Variants in GOLGA8S observed in about 807,000 individuals in gnomAD.
The protein encoded by GOLGA8S is golgin A8 family member S.
In GOLGA8S, 23 loss-of-function variants were observed where a neutral mutation model predicts 58.9. The observed-to-expected ratio is 0.39, with a 90% CI of 0.28 to 0.55. The LOEUF (loss-of-function observed/expected upper bound fraction) is 0.55, where lower values mean the gene tolerates loss of function less well. Among genes scored for constraint, GOLGA8S ranks in the 20% least tolerant of loss-of-function variants. The pLI is 0.63. For synonymous variants in GOLGA8S, 84 were observed against 195.7 expected (o/e 0.43, Z 4.76); for missense variants, 266 against 514.2 (o/e 0.52, Z 4.67).
intron 16 of GOLGA8S, 30 bp downstream of exon 16, chr15:23,364,473 G>C: frequency 6.2e-7 from 1 of 1,604,848 alleles, no homozygotes; most frequent in Non-Finnish European, 8.5e-7. Context: ...ACAGCAGGGG[G>C]AGCTACAGGG....
exon 18 of GOLGA8S, chr15:23,364,845 A>C: frequency 6.6e-7 from 1 of 1,506,382 alleles, no homozygotes; most frequent in African/African-American, 1.4e-5. Context: ...CCAGCCCCCC[A>C]GGAGCTTGGG....
chr15:23,368,104 AAAAG>A (rs1280067438), downstream of GOLGA8S, among the ~76,000 whole-genome samples: 6 of 151,986 alleles, frequency 3.9e-5, no homozygotes, highest in African/African-American at 9.7e-5. Context: ...ACTATAGTAT[AAAAG>A]AAAGAAACAG....
chr15:23,365,441 C>A, downstream of GOLGA8S: 3 of 499,792 alleles, frequency 6.0e-6, no homozygotes, highest in Non-Finnish European at 1.1e-5. Flanking sequence ...CAAAGACCCA[C>A]TCTTTGCCCA....
chr15:23,361,479 C>T lies in GOLGA8S; in HGVS notation c.1110+23C>T, dbSNP rs570565918. The T allele has an allele frequency of 1.4e-5, 11 of 770,816 alleles. 1 individual carries two copies. In the African/African-American group the frequency reaches 1.6e-4, roughly 11 times the overall value. 47.7% of individuals were successfully genotyped at this position (770,816 alleles called of 1,614,324 possible). The stretch of plus-strand genomic sequence containing the variant: ...CTGGTGCGTTGCCCCAGCTGGGGAG[C>T]CTGCCCTCCTCCCTAGCCCTCCAGG... On this transcript the variant is annotated intron_variant, in intron 12 of 18. Coordinates refer to ENST00000562295, the Ensembl canonical transcript of GOLGA8S.
chr15:23,359,363 G>T (rs534771555), intron 8 of GOLGA8S, among the ~76,000 whole-genome samples, 154 bp downstream of exon 8: 17 of 145,410 alleles, frequency 1.2e-4, no homozygotes, highest in African/African-American at 4.1e-4. Flanking sequence ...CGGCAGCTTG[G>T]GACTGAGTCA....
intron 4 of GOLGA8S, among the ~76,000 whole-genome samples, 175 bp downstream of exon 4, chr15:23,357,794 C>T (rs1267148489): frequency 6.7e-6 from 1 of 149,146 alleles, no homozygotes; most frequent in East Asian, 1.9e-4. Context: ...TCTTTTTTTG[C>T]TGCCCTGTTT....
Position 23,364,324 on chromosome 15 carries a change from T to A in GOLGA8S, c.1348-19T>A, listed in dbSNP as rs549964150. Reference sequence around the variant, plus strand: ...GGGCAGGTCGCTGCCGAGATGTGACTACAATATTTTGGCTCCAGAGCAGCT... The same window carrying A: ...GGGCAGGTCGCTGCCGAGATGTGACAACAATATTTTGGCTCCAGAGCAGCT... On this transcript the variant is annotated intron_variant, in intron 15 of 18. Coordinates refer to ENST00000562295, the Ensembl canonical transcript of GOLGA8S. The A allele has an allele frequency of 6.3e-7, 1 of 1,598,942 alleles. No homozygotes were observed. The highest frequency in any genetic ancestry group is 1.3e-5 in the African/African-American group (1 of 74,878).
At position 23,360,666 on chromosome 15, in the gene GOLGA8S, G is replaced by A. The variant is rs660589; in HGVS notation, c.787-62G>A. 9 of 1,234,324 alleles carry A rather than the reference G, an allele frequency of 7.3e-6. 1 individual carries two copies. The highest frequency in any genetic ancestry group is 6.1e-5 in the South Asian group (5 of 81,618). 76.5% of individuals were successfully genotyped at this position (1,234,324 alleles called of 1,614,324 possible). ...GTGGAGGTGGGGGCAGAGAGGGAGA[G>A]GGCAGCCTGTCCAGCCTCCAGCCCC... On this transcript the variant is annotated intron_variant, in intron 10 of 18. Transcript: ENST00000562295.
chr15:23,366,640 G>C (rs1295570838), downstream of GOLGA8S: 1 of 151,850 alleles, frequency 6.6e-6, no homozygotes, highest in Non-Finnish European at 1.5e-5. Flanking sequence ...TTGTATCTCT[G>C]GGTTTCTGTT....
downstream of GOLGA8S, chr15:23,365,871 G>C (rs3927841): frequency 6.5e-6 from 1 of 153,474 alleles, no homozygotes; most frequent in Non-Finnish European, 1.5e-5. Context: ...GTTCCCTTAG[G>C]ATTTGTATGT....
At chr15:23,365,785 C>T (rs4036668), downstream of GOLGA8S, 1 of 168,712 alleles carries the variant, frequency 5.9e-6, no homozygotes, top group Non-Finnish European at 1.3e-5. Flanking sequence ...GGAAAGTGGC[C>T]TCCTCTGGCA....
intron 12 of GOLGA8S, 126 bp from the exon 13 acceptor site, chr15:23,361,598 G>A (rs1232176578): frequency 1.6e-6 from 1 of 616,932 alleles, no homozygotes; most frequent in Non-Finnish European, 2.9e-6. Context: ...TGCTCTGGTG[G>A]CTGTGGGAGA....
intron 12 of GOLGA8S, 80 bp downstream of exon 12, chr15:23,361,536 T>C (rs1358581242): frequency 2.9e-6 from 2 of 692,472 alleles, no homozygotes; most frequent in African/African-American, 3.8e-5. Context: ...AATGGGGCAG[T>C]GTAGCCCTCA....
At chr15:23,367,876 A>G (rs535041540), downstream of GOLGA8S, among the ~76,000 whole-genome samples, 1 of 152,066 alleles carries the variant, frequency 6.6e-6, no homozygotes, top group East Asian at 1.9e-4. Context: ...TCATTTTAAA[A>G]GTATTTGATT....
exon 18 of GOLGA8S, chr15:23,364,766 T>G (rs536797978): frequency 6.6e-7 from 1 of 1,515,362 alleles, no homozygotes; most frequent in South Asian, 1.2e-5. Flanking sequence ...TTACAGCAAC[T>G]ACAACAATGG....
chr15:23,364,277 A>G (rs2069866772), intron 15 of GOLGA8S, 66 bp from the exon 16 acceptor site: 1 of 1,588,556 alleles, frequency 6.3e-7, no homozygotes. Flanking sequence ...CACCTTCTCC[A>G]TGACTTGAAA....
chr15:23,356,171 A>G (rs2069685374), intron 1 of GOLGA8S, among the ~76,000 whole-genome samples: 1 of 144,180 alleles, frequency 6.9e-6, no homozygotes, highest in African/African-American at 2.5e-5. Context: ...GCCTTCTGCC[A>G]TGAGGACACA....
intron 10 of GOLGA8S, 22 bp from the exon 11 acceptor site, chr15:23,360,706 T>A (rs2069773222): frequency 9.3e-7 from 1 of 1,073,324 alleles, no homozygotes; most frequent in Admixed American, 1.7e-5. Flanking sequence ...TCCAGGGCCC[T>A]TTCCCCCTGT....
At chr15:23,362,793 CA>C (rs2069823898) in intron 13 of GOLGA8S, among the ~76,000 whole-genome samples, 1 of 142,148 alleles carries the variant, frequency 7.0e-6, no homozygotes, top group Non-Finnish European at 1.5e-5. Flanking sequence ...CCAGAATCTG[CA>C]AACCAGCCAC....
Sources: allele counts gnomAD v4.1 joint callset (sites outside exome capture counted in the v4.1 genomes callset), GRCh38; gene constraint gnomAD v4.1.1; transcripts MANE v1.5; gene names NCBI Gene and HGNC (gene_info 2026-07-23, HGNC 2026-07-21).